The following SMOC2 variants were observed in gnomAD, a reference collection of about 807,000 sequenced individuals.
SMOC2 encodes SPARC related modular calcium binding 2, also known as SPARC-related modular calcium-binding protein 2.
In SMOC2, 39 loss-of-function variants were observed where a neutral mutation model predicts 61.4. The observed-to-expected ratio is 0.64, with a 90% CI of 0.49 to 0.83. The LOEUF (loss-of-function observed/expected upper bound fraction) is 0.83, where lower values mean the gene tolerates loss of function less well. Among genes scored for constraint, SMOC2 ranks in the 40% least tolerant of loss-of-function variants. The pLI is 0.00. For missense variants in SMOC2, 556 were observed against 592.9 expected (o/e 0.94, Z 0.65); for synonymous variants, 247 against 239.9 (o/e 1.03, Z -0.27).
intron 9 of SMOC2, among the ~76,000 whole-genome samples, chr6:168,635,188 C>T (rs1283240903): frequency 1.3e-5 from 2 of 152,184 alleles, no homozygotes; most frequent in Non-Finnish European, 2.9e-5. Flanking sequence ...AGTTTTATTA[C>T]ACTCTAACTG....
chr6:168,636,736 G>T (rs560924076), intron 9 of SMOC2, among the ~76,000 whole-genome samples: 1 of 152,324 alleles, frequency 6.6e-6, no homozygotes, highest in East Asian at 1.9e-4. Context: ...TGACTGCTGC[G>T]TGAGAACTGC....
At chr6:168,622,542 C>T (rs1277956258) in intron 9 of SMOC2, among the ~76,000 whole-genome samples, 2 of 152,034 alleles carry the variant, frequency 1.3e-5, no homozygotes, top group African/African-American at 4.8e-5. Context: ...TTTTCTTGCA[C>T]GTACCATTTC....
intron 1 of SMOC2, among the ~76,000 whole-genome samples, chr6:168,480,919 G>A (rs1782193935): frequency 6.6e-6 from 1 of 152,086 alleles, no homozygotes; most frequent in East Asian, 1.9e-4. Context: ...TAAATTCAGG[G>A]TGCTAAAAGG....
intron 9 of SMOC2, among the ~76,000 whole-genome samples, chr6:168,611,950 C>T (rs1371364378): frequency 2.0e-5 from 3 of 152,298 alleles, no homozygotes; most frequent in South Asian, 2.1e-4. Context: ...GTGGACTCTG[C>T]CCCGTGCCTC....
chr6:168,486,661 C>A (rs771528915), intron 1 of SMOC2, among the ~76,000 whole-genome samples: 8 of 151,502 alleles, frequency 5.3e-5, no homozygotes, highest in Non-Finnish European at 8.8e-5. Context: ...TGCGATTCAC[C>A]AATGGATCAG....
rs187576203 is a variant in SMOC2 at position 168,524,082 on chromosome 6, A to G, written c.257-2264A>G. Among the ~76,000 whole-genome samples, 492 of 152,230 alleles carry G rather than the reference A, an allele frequency of 3.2e-3. 1 individual carries two copies. Among genetic ancestry groups the G allele is most frequent in the Non-Finnish European group, 5.4e-3 (365 of 68,008 alleles). ...ATAATGGCTTAGAGTGATATTGAGA[A>G]CACACGGGGGCCATGACTGTTTCTG... is the stretch of plus-strand genomic sequence containing the variant. On this transcript the variant is annotated intron_variant, in intron 2 of 12. Coordinates refer to ENST00000356284, the MANE Select transcript of SMOC2 (RefSeq NM_001166412.2).
intron 9 of SMOC2, among the ~76,000 whole-genome samples, chr6:168,638,544 A>G (rs947880677): frequency 1.3e-5 from 2 of 152,188 alleles, no homozygotes; most frequent in African/African-American, 2.4e-5. Context: ...TTTCAGCGAG[A>G]GGGTGGGCAG....
intron 1 of SMOC2, among the ~76,000 whole-genome samples, chr6:168,479,014 G>A (rs546997639): frequency 2.0e-5 from 3 of 150,210 alleles, no homozygotes; most frequent in Admixed American, 2.0e-4. Context: ...ACCCTGTCTC[G>A]GGAAAAGGAG....
intron 9 of SMOC2, among the ~76,000 whole-genome samples, chr6:168,617,822 C>T (rs1786133294): frequency 6.6e-6 from 1 of 152,228 alleles, no homozygotes; most frequent in Admixed American, 6.5e-5. Flanking sequence ...AGTGCATTTT[C>T]TGTTTTCTTC....
At chr6:168,620,993 A>G (rs2115231099) in intron 9 of SMOC2, among the ~76,000 whole-genome samples, 1 of 149,912 alleles carries the variant, frequency 6.7e-6, no homozygotes, top group South Asian at 2.1e-4. Context: ...AACTTCTCAA[A>G]ACCTGGCTTG....
Position 168,455,391 on chromosome 6 carries a change from G to A in SMOC2, c.84+13937G>A, listed in dbSNP as rs1781560825. Among the ~76,000 whole-genome samples, 3 of 152,358 alleles carry A rather than the reference G, an allele frequency of 2.0e-5. No homozygotes were observed. The South Asian group carries it at 6.2e-4, about 32-fold the overall frequency. On this transcript the variant is annotated intron_variant, in intron 1 of 12. Coordinates refer to ENST00000356284, the MANE Select transcript of SMOC2 (RefSeq NM_001166412.2). Reference sequence around the variant, plus strand: ...GAATCAGAAATGATGGATTTAGAGAGAGGGGCAGGAAGGACGCTGGCTCGG... The same window carrying A: ...GAATCAGAAATGATGGATTTAGAGAAAGGGGCAGGAAGGACGCTGGCTCGG...
Position 168,535,776 on chromosome 6 carries a change from C to T in SMOC2, c.464-7849C>T, listed in dbSNP as rs571754216. Among the ~76,000 whole-genome samples, 6 of 152,288 alleles carry T rather than the reference C, an allele frequency of 3.9e-5. No homozygotes were observed. Among genetic ancestry groups the T allele is most frequent in the South Asian group, 4.1e-4 (2 of 4,826 alleles). Reference sequence around the variant, plus strand: ...GAGGATGTCAGGAGAGAGGCAGCGCCGCCGGGGGAAGATGGGAGGGAGACC... The same window carrying T: ...GAGGATGTCAGGAGAGAGGCAGCGCTGCCGGGGGAAGATGGGAGGGAGACC... On this transcript the variant is annotated intron_variant, in intron 4 of 12. Coordinates refer to ENST00000356284, the MANE Select transcript of SMOC2 (RefSeq NM_001166412.2). The surrounding 1 kb of genome is among the most constrained non-coding windows in gnomAD (Gnocchi z 4.6).
In SMOC2 at chr6:168,553,684, C is replaced by T. The variant is rs944852983; in HGVS notation, c.637+4481C>T. 1.3e-5 allele frequency among the ~76,000 whole-genome samples: 2 copies of T among 152,190 alleles called. No individual in the cohort carries two copies. Among genetic ancestry groups the T allele is most frequent in the South Asian group, 2.1e-4 (1 of 4,834 alleles). On this transcript the variant is annotated intron_variant, in intron 7 of 12. Transcript: ENST00000356284. This position sits in a 1 kb window ranked among gnomAD's most constrained non-coding sequence, Gnocchi z 4.2. ...CCCTCTAGACAGAAAAGCATATGAT[C>T]GTGGCATGTCAAAGCCAAGGAGGGC...
intron 7 of SMOC2, among the ~76,000 whole-genome samples, chr6:168,579,693 G>A (rs564032427): frequency 1.3e-5 from 2 of 152,252 alleles, no homozygotes; most frequent in East Asian, 3.9e-4. Flanking sequence ...CAGTCCTTGG[G>A]GGCATCACGC....
At chr6:168,661,967 C>G (rs1215965050) in intron 11 of SMOC2, among the ~76,000 whole-genome samples, 1 of 152,182 alleles carries the variant, frequency 6.6e-6, no homozygotes, top group Non-Finnish European at 1.5e-5. Context: ...TTGCAATTTA[C>G]CTAATTGCAA....
intron 1 of SMOC2, among the ~76,000 whole-genome samples, chr6:168,502,351 C>T (rs575713310): frequency 6.6e-6 from 1 of 152,376 alleles, no homozygotes; most frequent in East Asian, 1.9e-4. Flanking sequence ...CGTCCCTGGT[C>T]ACTTTGCTCT....
intron 2 of SMOC2, among the ~76,000 whole-genome samples, chr6:168,519,794 T>G (rs1188752568): frequency 6.6e-6 from 1 of 152,212 alleles, no homozygotes; most frequent in East Asian, 1.9e-4. Context: ...ACTGATATTT[T>G]CATAGAGATG....
chr6:168,578,117 A>G (rs1295093891), intron 7 of SMOC2, among the ~76,000 whole-genome samples: 2 of 152,208 alleles, frequency 1.3e-5, no homozygotes, highest in South Asian at 2.1e-4. Flanking sequence ...TGTGAGAACA[A>G]TCACCGTGCA....
chr6:168,603,969 A>T (rs1298335370), intron 8 of SMOC2, among the ~76,000 whole-genome samples: 1 of 152,252 alleles, frequency 6.6e-6, no homozygotes, highest in Non-Finnish European at 1.5e-5. Flanking sequence ...TGAGAAACTG[A>T]TGAATGAATA....
Sources: gnomAD v4.1 joint callset for allele counts (sites outside exome capture counted in the v4.1 genomes callset) on GRCh38, gnomAD v4.1.1 for gene constraint, Gnocchi (gnomAD v3.1) non-coding constraint, MANE v1.5 for transcripts, NCBI Gene and HGNC (gene_info 2026-07-23, HGNC 2026-07-21) for gene names.